The following FHIT variants were observed in gnomAD, a reference collection of about 807,000 sequenced individuals.
FHIT encodes the protein bis(5'-adenosyl)-triphosphatase.
A neutral mutation model predicts 17.9 loss-of-function variants in FHIT; 19 were observed. The ratio of observed to expected loss-of-function variants is 1.06; its 90% CI spans 0.74 to 1.56. The LOEUF is 1.56. Ranked by LOEUF, FHIT falls within the 40% of genes most tolerant of loss-of-function variation. The pLI, the probability that FHIT is intolerant of heterozygous loss-of-function variation, is 0.00. For synonymous variants in FHIT, 81 were observed against 69.7 expected, an observed-to-expected ratio of 1.16 and a Z score of -0.81; for missense variants, 248 against 189.2, an observed-to-expected ratio of 1.31 and a Z score of -1.82.
intron 5 of FHIT, among the ~76,000 whole-genome samples, chr3:60,372,317 C>A (rs528506268): frequency 6.6e-6 from 1 of 152,304 alleles, no homozygotes; most frequent in South Asian, 2.1e-4. Context: ...TTCACCACCA[C>A]CCTCTTTTCT....
At chr3:60,292,041 G>A (rs1708007408) in intron 5 of FHIT, among the ~76,000 whole-genome samples, 3 of 152,044 alleles carry the variant, frequency 2.0e-5, no homozygotes, top group Admixed American at 2.0e-4. Flanking sequence ...GCAGCCCTTA[G>A]AAATGACTAC....
intron 4 of FHIT, among the ~76,000 whole-genome samples, chr3:60,565,425 T>G (rs1456666137): frequency 6.6e-6 from 1 of 152,142 alleles, no homozygotes; most frequent in Non-Finnish European, 1.5e-5. Context: ...AATACAACAC[T>G]TTCCGTTAAT....
chr3:61,053,902 A>G (rs2106663978), intron 2 of FHIT, among the ~76,000 whole-genome samples: 1 of 152,350 alleles, frequency 6.6e-6, no homozygotes, highest in East Asian at 1.9e-4. Flanking sequence ...TCCCAAATCA[A>G]TAAGCAGAGG....
At chr3:59,978,801 G>T (rs1708524730) in intron 7 of FHIT, among the ~76,000 whole-genome samples, 1 of 151,506 alleles carries the variant, frequency 6.6e-6, no homozygotes, top group South Asian at 2.1e-4. Context: ...CTAAGAAATG[G>T]GATCTGGGAC....
chr3:60,674,376 T>A (rs776491239), intron 4 of FHIT, among the ~76,000 whole-genome samples: 3 of 152,194 alleles, frequency 2.0e-5, no homozygotes, highest in Non-Finnish European at 2.9e-5. Flanking sequence ...CTAATTCTAA[T>A]GTCTGAGTTA....
At chr3:60,353,551 G>A (rs1699513037) in intron 5 of FHIT, among the ~76,000 whole-genome samples, 1 of 152,002 alleles carries the variant, frequency 6.6e-6, no homozygotes. Flanking sequence ...AATCAATTTA[G>A]ACAACAAATT....
intron 5 of FHIT, among the ~76,000 whole-genome samples, chr3:60,101,708 T>A (rs1381439552): frequency 6.6e-6 from 1 of 152,182 alleles, no homozygotes; most frequent in South Asian, 2.1e-4. Context: ...ATCACATGGA[T>A]GTAAACAGTA....
At chr3:60,862,734 C>T (rs1703973566) in intron 3 of FHIT, among the ~76,000 whole-genome samples, 2 of 152,032 alleles carry the variant, frequency 1.3e-5, no homozygotes, top group South Asian at 2.1e-4. Flanking sequence ...TGCCTGTAAT[C>T]CCAGCTACTT....
chr3:61,109,077 A>C (rs2036077555), intron 2 of FHIT, among the ~76,000 whole-genome samples: 1 of 152,238 alleles, frequency 6.6e-6, no homozygotes, highest in Non-Finnish European at 1.5e-5. Context: ...TCTTCTTCCA[A>C]GTGAACATTT....
intron 4 of FHIT, among the ~76,000 whole-genome samples, chr3:60,636,104 G>C (rs149717588): frequency 6.6e-6 from 1 of 150,424 alleles, no homozygotes; most frequent in Non-Finnish European, 1.5e-5. Flanking sequence ...TTGCTCTCTC[G>C]CCCAGACTGG....
intron 4 of FHIT, among the ~76,000 whole-genome samples, chr3:60,549,600 T>C (rs1245774025): frequency 1.3e-5 from 2 of 152,178 alleles, no homozygotes; most frequent in Non-Finnish European, 2.9e-5. Flanking sequence ...AAAAGTCCCA[T>C]TTCCCCAAAA....
chr3:61,034,074 T>C (rs1025298213), intron 3 of FHIT, among the ~76,000 whole-genome samples: 3 of 152,110 alleles, frequency 2.0e-5, no homozygotes, highest in Non-Finnish European at 4.4e-5. Flanking sequence ...ATGCCAAGAA[T>C]AAAGCTGGAC....
intron 1 of FHIT, among the ~76,000 whole-genome samples, chr3:61,213,354 T>C (rs2039554223): frequency 6.6e-6 from 1 of 152,108 alleles, no homozygotes; most frequent in Non-Finnish European, 1.5e-5. Flanking sequence ...GGGGTTGCAG[T>C]CCTACTCTCT....
chr3:60,186,948 T>G (rs1702184480), intron 5 of FHIT, among the ~76,000 whole-genome samples: 1 of 152,130 alleles, frequency 6.6e-6, no homozygotes, highest in African/African-American at 2.4e-5. Flanking sequence ...GTGTATTTCT[T>G]ATTAAAGCTT....
chr3:60,172,226 G>A (rs1354999970), intron 5 of FHIT, among the ~76,000 whole-genome samples: 1 of 152,100 alleles, frequency 6.6e-6, no homozygotes, highest in Non-Finnish European at 1.5e-5. Flanking sequence ...GAGCCAGGTA[G>A]TAAATAGGCC....
intron 2 of FHIT, among the ~76,000 whole-genome samples, chr3:61,143,911 T>C (rs1028337590): frequency 1.3e-5 from 2 of 152,136 alleles, no homozygotes; most frequent in Non-Finnish European, 2.9e-5. Flanking sequence ...TTTTTGGAGT[T>C]TTAAAGTGAA....
At chr3:59,961,345 C>G (rs750905213) in intron 7 of FHIT, among the ~76,000 whole-genome samples, 1 of 152,126 alleles carries the variant, frequency 6.6e-6, no homozygotes, top group Non-Finnish European at 1.5e-5. Flanking sequence ...TTATTAGATA[C>G]TGAGCACTAA....
In FHIT at chr3:60,057,699, A is replaced by G. The variant is rs549979646; in HGVS notation, c.104-43547T>C. ...AATGACCTTCAGGCCTCTCGAAAAA[A>G]AAAAAAAAGTATTGGCAAACTGAAA... On this transcript the variant is annotated intron_variant, in intron 5 of 9. Transcript: ENST00000492590. Among the ~76,000 whole-genome samples, 12 of 152,170 alleles carry G rather than the reference A, an allele frequency of 7.9e-5. No individual in the cohort carries two copies. The South Asian group carries it at 1.7e-3, about 21-fold the overall frequency.
chr3:60,313,262 A>G (rs1464575237), intron 5 of FHIT, among the ~76,000 whole-genome samples: 1 of 152,216 alleles, frequency 6.6e-6, no homozygotes, highest in South Asian at 2.1e-4. Context: ...ACACTCTACA[A>G]TATTCAGGAG....
Sources: gnomAD v4.1 joint callset for allele counts (sites outside exome capture counted in the v4.1 genomes callset) on GRCh38, gnomAD v4.1.1 for gene constraint, MANE v1.5 for transcripts, NCBI Gene and HGNC (gene_info 2026-07-23, HGNC 2026-07-21) for gene names.